POGLUT3: variants seen among roughly 807,000 people sequenced by gnomAD.
The protein encoded by POGLUT3 is KDEL (Lys-Asp-Glu-Leu) containing 2.
In POGLUT3, 48 loss-of-function variants were observed where a neutral mutation model predicts 54.3. The ratio of observed to expected loss-of-function variants is 0.88; its 90% CI spans 0.70 to 1.12. The LOEUF (loss-of-function observed/expected upper bound fraction) is 1.12. POGLUT3 is among the 50% of genes most tolerant of loss of function. The probability of loss-of-function intolerance (pLI) is 0.00; values close to 1 mark genes in which losing one functional copy is unlikely to be tolerated. For synonymous variants in POGLUT3, 218 were observed against 237.4 expected (o/e 0.92, Z 0.75); for missense variants, 629 against 618.7 (o/e 1.02, Z -0.18).
At chr11:108,488,821 CAG>C (rs1455850908) in intron 2 of POGLUT3, among the ~76,000 whole-genome samples, 5 of 151,924 alleles carry the variant, frequency 3.3e-5, no homozygotes, top group African/African-American at 9.7e-5. Flanking sequence ...TTGGGGAAGA[CAG>C]GGGAAGAACC....
In POGLUT3 at chr11:108,486,221, G is replaced by C. The variant is rs2093603013; in HGVS notation, c.620C>G (p.Ser207Cys). Residue 207 changes from serine (S) to cysteine (C), a missense_variant, in exon 3 of 8, where the codon TCT becomes TGT. Transcript: ENST00000323468. The stretch of plus-strand genomic sequence containing the variant: ...CTTGAAGTCTGTGTATTTCCCTAAA[G>C]ATCTCCGGTAAACATGGTTATTGAG... Reference protein sequence around the residue: ...TILNNHVYRRSLGKYTDFKMF... With the variant: ...TILNNHVYRRCLGKYTDFKMF... The C allele has an allele frequency of 6.2e-7, 1 of 1,613,674 alleles. No individual in the cohort carries two copies. Among genetic ancestry groups the C allele is most frequent in the African/African-American group, 1.3e-5 (1 of 74,884 alleles).
chr11:108,491,453 C>T, intron 1 of POGLUT3: 1 of 522,440 alleles, frequency 1.9e-6, no homozygotes, highest in Non-Finnish European at 3.4e-6. Flanking sequence ...CTCCTGGGCT[C>T]ATGAACCTCC....
intron 1 of POGLUT3, among the ~76,000 whole-genome samples, chr11:108,495,517 T>G (rs1379461339): frequency 6.6e-6 from 1 of 152,176 alleles, no homozygotes; most frequent in Non-Finnish European, 1.5e-5. Flanking sequence ...AAGTGAATGT[T>G]GGTGGCAGAA....
At chr11:108,490,429 AAGCTCAAGCCATCCACTCGCCTC>A (rs1198821126) in intron 2 of POGLUT3, among the ~76,000 whole-genome samples, 2 of 151,962 alleles carry the variant, frequency 1.3e-5, no homozygotes, top group African/African-American at 4.8e-5. Flanking sequence ...TTGAATGCCT[AAGCTCAAGCCATCCACTCGCCTC>A]AGCCTCCCAA....
intron 1 of POGLUT3, among the ~76,000 whole-genome samples, chr11:108,494,859 T>C (rs1237426249): frequency 6.6e-6 from 1 of 152,192 alleles, no homozygotes; most frequent in Non-Finnish European, 1.5e-5. Flanking sequence ...CTAGCAAGCA[T>C]TGTGCTAGAG....
chr11:108,474,664 G>T lies in POGLUT3; in HGVS notation c.*163C>A. On this transcript the variant is annotated 3_prime_UTR_variant, in exon 8 of 8. Transcript: ENST00000323468. ...AACACTCCTGGTCCTAAGCATTTCA[G>T]ATGAGGGATACTCAACCAGTACTGC... is the stretch of plus-strand genomic sequence containing the variant. The T allele has an allele frequency of 1.6e-6, 1 of 610,342 alleles. No individual in the cohort carries two copies. Among genetic ancestry groups the T allele is most frequent in the Non-Finnish European group, 2.7e-6 (1 of 375,492 alleles). The allele number at this position is 610,342 out of a possible 1,614,324, so 37.8% of individuals were successfully genotyped here.
intron 1 of POGLUT3, among the ~76,000 whole-genome samples, chr11:108,497,785 C>T (rs1337948332): frequency 6.6e-6 from 1 of 152,226 alleles, no homozygotes; most frequent in Non-Finnish European, 1.5e-5. Flanking sequence ...CGCGATCCGT[C>T]GGCTTGATGA....
chr11:108,473,025 AAATATTTC>A lies in POGLUT3; in HGVS notation c.*1794_*1801del, dbSNP rs2093572721. On this transcript the variant is annotated 3_prime_UTR_variant, in exon 8 of 8. Coordinates refer to ENST00000323468, the MANE Select transcript of POGLUT3 (RefSeq NM_153705.5). ...AGTTACATTGTTTTCCAGATTAAGTAAATATTTCAGTTAGGAGAATACATATTTTTATT... is the reference window on the plus strand; with the variant it reads ...AGTTACATTGTTTTCCAGATTAAGTAAGTTAGGAGAATACATATTTTTATT... 1 of 152,214 alleles carries A rather than the reference AAATATTTC, an allele frequency of 6.6e-6. No homozygotes were observed. The highest frequency in any genetic ancestry group is 2.4e-5 in the African/African-American group (1 of 41,466). 9.4% of individuals were successfully genotyped at this position (152,214 alleles called of 1,614,324 possible). A position where few individuals can be genotyped will look rare whatever the true frequency, so the allele number is the denominator to read the frequency against.
At chr11:108,491,233 G>A (rs1278428988) in intron 1 of POGLUT3, 66 bp from the exon 2 acceptor site, 4 of 1,278,230 alleles carry the variant, frequency 3.1e-6, no homozygotes, top group Middle Eastern at 2.3e-4. Flanking sequence ...TATTGGATAG[G>A]TGTTATTGGA....
At chr11:108,478,195 A>G (rs1364379006) in intron 6 of POGLUT3, 1 of 152,780 alleles carries the variant, frequency 6.5e-6, no homozygotes, top group African/African-American at 2.4e-5. Flanking sequence ...TAAATAAATG[A>G]AAGAATGAGG....
At chr11:108,475,310 A>C (rs562637597) in intron 7 of POGLUT3, among the ~76,000 whole-genome samples, 1 of 152,276 alleles carries the variant, frequency 6.6e-6, no homozygotes, top group South Asian at 2.1e-4. Flanking sequence ...TCAAGCCAGC[A>C]AACAAACAAG....
Position 108,479,293 on chromosome 11 carries a change from A to T in POGLUT3, c.1293+8T>A, listed in dbSNP as rs893688351. 8 of 1,591,570 alleles carry T rather than the reference A, an allele frequency of 5.0e-6. No homozygotes were observed. In the African/African-American group the frequency reaches 9.5e-5, roughly 19 times the overall value. On this transcript the variant is annotated splice_region_variant and intron_variant, in intron 6 of 7. Transcript: ENST00000323468. Reference sequence around the variant, plus strand: ...TGCTTAAAGAAATAAAAATTGCTGGACGCATACCTTAGCCCATTTAACTTT... The same window carrying T: ...TGCTTAAAGAAATAAAAATTGCTGGTCGCATACCTTAGCCCATTTAACTTT...
intron 6 of POGLUT3, chr11:108,478,103 G>A (rs558869657): frequency 2.1e-3 from 364 of 175,326 alleles, no homozygotes; most frequent in Non-Finnish European, 3.6e-3. Context: ...AGTGGAGATC[G>A]TGCCACTGCA....
chr11:108,490,530 T>C (rs2093611213), intron 2 of POGLUT3, among the ~76,000 whole-genome samples: 1 of 152,036 alleles, frequency 6.6e-6, no homozygotes, highest in African/African-American at 2.4e-5. Flanking sequence ...GCCACTGTAC[T>C]CCAGCCTGGG....
At position 108,479,198 on chromosome 11, in the gene POGLUT3, C is replaced by A. The variant is rs887403068; in HGVS notation, c.1293+103G>T. The A allele has an allele frequency of 5.3e-6, 4 of 760,902 alleles. No individual in the cohort carries two copies. The Admixed American group carries it at 1.2e-4, about 22-fold the overall frequency. 47.1% of individuals were successfully genotyped at this position (760,902 alleles called of 1,614,324 possible). A position where few individuals can be genotyped will look rare whatever the true frequency, so the allele number is the denominator to read the frequency against. ...ACAGCAATTTCAGAAAATAATATTT[C>A]TTTTCATTCCATTATGTCAAATCAA... is the stretch of plus-strand genomic sequence containing the variant. On this transcript the variant is annotated intron_variant, in intron 6 of 7. Coordinates refer to ENST00000323468, the MANE Select transcript of POGLUT3 (RefSeq NM_153705.5).
chr11:108,484,139 T>C (rs1189918367), intron 3 of POGLUT3, among the ~76,000 whole-genome samples: 1 of 152,028 alleles, frequency 6.6e-6, no homozygotes, highest in Non-Finnish European at 1.5e-5. Flanking sequence ...TAGATGATAA[T>C]AGCAACCCCT....
At position 108,498,371 on chromosome 11, in the gene POGLUT3, G is replaced by A. The variant is rs1269568736; in HGVS notation, c.-5C>T. ...GGCCCGCGGGAGGCGGCGCATGGTC[G>A]GCGGGGCACAACTGCGGTCCAGCTC... On this transcript the variant is annotated 5_prime_UTR_variant, in exon 1 of 8. Coordinates refer to ENST00000323468, the MANE Select transcript of POGLUT3 (RefSeq NM_153705.5). The A allele has an allele frequency of 7.7e-7, 1 of 1,305,672 alleles. No individual in the cohort carries two copies. Among genetic ancestry groups the A allele is most frequent in the Non-Finnish European group, 9.7e-7 (1 of 1,030,650 alleles). The allele number at this position is 1,305,672 out of a possible 1,614,324, so 80.9% of individuals were successfully genotyped here.
At chr11:108,494,795 C>T (rs913308214) in intron 1 of POGLUT3, among the ~76,000 whole-genome samples, 8 of 152,170 alleles carry the variant, frequency 5.3e-5, no homozygotes, top group Non-Finnish European at 1.0e-4. Flanking sequence ...ATATTTCAAT[C>T]ATCCCTCCCT....
chr11:108,477,529 C>T, intron 7 of POGLUT3, 78 bp downstream of exon 7: 1 of 813,040 alleles, frequency 1.2e-6, no homozygotes, highest in Non-Finnish European at 2.0e-6. Context: ...TTCAGGAAGC[C>T]AGGCAGGAAG....
Sources: allele counts gnomAD v4.1 joint callset (sites outside exome capture counted in the v4.1 genomes callset), GRCh38; gene constraint gnomAD v4.1.1; transcripts MANE v1.5; gene names NCBI Gene and HGNC (gene_info 2026-07-23, HGNC 2026-07-21).